ASCC3: variants seen among roughly 807,000 people sequenced by gnomAD.
The protein encoded by ASCC3 is activating signal cointegrator 1 complex subunit 3.
In ASCC3, 158 loss-of-function variants were observed where a neutral mutation model predicts 256.3. The observed-to-expected ratio is 0.62, with a 90% CI of 0.54 to 0.70. The LOEUF is 0.70. Among genes scored for constraint, ASCC3 ranks in the 30% least tolerant of loss-of-function variants. ASCC3 has a pLI of 0.00. For missense variants in ASCC3, 2,259 were observed against 2,626.0 expected (o/e 0.86, Z 3.05); for synonymous variants, 948 against 883.4 (o/e 1.07, Z -1.30).
At chr6:100,781,268 A>G (rs896589945) in intron 8 of ASCC3, among the ~76,000 whole-genome samples, 7 of 152,212 alleles carry the variant, frequency 4.6e-5, no homozygotes, top group African/African-American at 1.7e-4. Flanking sequence ...TTTTTATCAT[A>G]TATTATAAAT....
intron 13 of ASCC3, among the ~76,000 whole-genome samples, chr6:100,702,015 T>C (rs532651738): frequency 2.2e-4 from 33 of 152,122 alleles, no homozygotes; most frequent in Non-Finnish European, 3.7e-4. Flanking sequence ...TGAGAATAAC[T>C]GGGCCCTTAT....
intron 29 of ASCC3, among the ~76,000 whole-genome samples, chr6:100,627,225 T>C (rs1401473902): frequency 6.6e-6 from 1 of 152,170 alleles, no homozygotes; most frequent in Non-Finnish European, 1.5e-5. Flanking sequence ...TACTGAAATT[T>C]CTAAGTTTTA....
At chr6:100,751,613 C>T (rs1444640886) in intron 10 of ASCC3, among the ~76,000 whole-genome samples, 1 of 151,852 alleles carries the variant, frequency 6.6e-6, no homozygotes, top group Admixed American at 6.6e-5. Context: ...GATATAAACA[C>T]CAAAAAGTTT....
Position 100,715,558 on chromosome 6 carries a change from A to T in ASCC3, c.2080-25T>A, listed in dbSNP as rs767314622. On this transcript the variant is annotated intron_variant, in intron 12 of 41. Transcript: ENST00000369162. ...TCTTGAAGATTTTAAAACATAAAAA[A>T]AATCATGTGAAACAATTATAAACTT... is the stretch of plus-strand genomic sequence containing the variant. 1.6e-5 allele frequency: 25 copies of T among 1,572,952 alleles called. No individual in the cohort carries two copies. In the African/African-American group the frequency reaches 3.1e-4, roughly 20 times the overall value.
chr6:100,640,310 T>C (rs1000425726), intron 24 of ASCC3, among the ~76,000 whole-genome samples: 3 of 152,132 alleles, frequency 2.0e-5, no homozygotes, highest in Non-Finnish European at 4.4e-5. Context: ...AGATGAAGGT[T>C]TTTCTTGGCT....
intron 13 of ASCC3, among the ~76,000 whole-genome samples, chr6:100,694,269 T>A (rs1458059408): frequency 6.6e-6 from 1 of 150,846 alleles, no homozygotes; most frequent in African/African-American, 2.4e-5. Context: ...GAGTTTGAGA[T>A]TAGCCTGGGC....
At position 100,800,498 on chromosome 6, in the gene ASCC3, C is replaced by A. The variant is rs998319428; in HGVS notation, c.929G>T (p.Cys310Phe). Residue 310 changes from cysteine to phenylalanine, a missense_variant, in exon 6 of 42, where the codon TGT (cysteine) becomes TTT (phenylalanine). Physicochemically the swap from Cys to Phe is radical, Grantham distance 205. Coordinates refer to ENST00000369162, the MANE Select transcript of ASCC3 (RefSeq NM_006828.4). ...DHRFQALQDN[C>F]KKILGENAKP... ...AGCATTTTCTCCTAAAATTTTTTTA[C>A]AATTGTCTAAGAAGCAAATTTAAGA... The A allele has an allele frequency of 1.2e-6, 2 of 1,605,292 alleles. No individual in the cohort carries two copies. Among genetic ancestry groups the A allele is most frequent in the Non-Finnish European group, 1.7e-6 (2 of 1,174,762 alleles).
intron 36 of ASCC3, among the ~76,000 whole-genome samples, chr6:100,583,809 A>G (rs1771468037): frequency 6.6e-6 from 1 of 152,140 alleles, no homozygotes; most frequent in South Asian, 2.1e-4. Flanking sequence ...TTGGTTTCAA[A>G]GAACATCTTT....
At chr6:100,572,967 C>A (rs1291112744) in intron 36 of ASCC3, among the ~76,000 whole-genome samples, 1 of 151,986 alleles carries the variant, frequency 6.6e-6, no homozygotes, top group African/African-American at 2.4e-5. Context: ...AATAAAAGGT[C>A]TGGCATTTTA....
At chr6:100,623,653 A>T (rs1427920343) in intron 30 of ASCC3, among the ~76,000 whole-genome samples, 1 of 152,190 alleles carries the variant, frequency 6.6e-6, no homozygotes, top group Admixed American at 6.5e-5. Context: ...TGGAGAGATC[A>T]CAATGCAACA....
intron 10 of ASCC3, among the ~76,000 whole-genome samples, chr6:100,739,184 A>G (rs959090392): frequency 3.9e-5 from 6 of 152,236 alleles, no homozygotes; most frequent in Non-Finnish European, 8.8e-5. Context: ...GCTTTTCTGC[A>G]TCTATTGAGA....
chr6:100,684,802 C>CTTTTT (rs34237443), intron 13 of ASCC3, among the ~76,000 whole-genome samples: 5 of 94,714 alleles, frequency 5.3e-5, no homozygotes, highest in South Asian at 3.5e-4. Flanking sequence ...GAATCAAACT[C>CTTTTT]TTTTTTTTTT....
At chr6:100,758,279 T>C (rs1366693216) in intron 10 of ASCC3, among the ~76,000 whole-genome samples, 2 of 152,174 alleles carry the variant, frequency 1.3e-5, no homozygotes, top group Non-Finnish European at 2.9e-5. Context: ...CAGGGATACA[T>C]GTGCAGAGTG....
chr6:100,642,297 A>C (rs1775161990), intron 24 of ASCC3, among the ~76,000 whole-genome samples: 1 of 152,120 alleles, frequency 6.6e-6, no homozygotes, highest in South Asian at 2.1e-4. Flanking sequence ...TTGGTGTAGA[A>C]ACACAAAAGA....
chr6:100,727,118 T>A (rs1182416753), intron 10 of ASCC3, among the ~76,000 whole-genome samples: 2 of 152,248 alleles, frequency 1.3e-5, no homozygotes, highest in South Asian at 4.1e-4. Flanking sequence ...TACACTATTT[T>A]GTTTTCTACA....
intron 37 of ASCC3, among the ~76,000 whole-genome samples, chr6:100,521,734 A>T (rs1774320814): frequency 6.6e-6 from 1 of 152,232 alleles, no homozygotes; most frequent in South Asian, 2.1e-4. Flanking sequence ...TGAGTGGGCA[A>T]GCCCAAGTGA....
chr6:100,523,948 A>G (rs947593912), intron 37 of ASCC3, among the ~76,000 whole-genome samples: 28 of 152,198 alleles, frequency 1.8e-4, no homozygotes, highest in Admixed American at 1.8e-3. Flanking sequence ...TGTGATAAAA[A>G]TATTTGTATA....
At chr6:100,542,479 G>C (rs929951369) in intron 36 of ASCC3, among the ~76,000 whole-genome samples, 1 of 152,076 alleles carries the variant, frequency 6.6e-6, no homozygotes, top group Non-Finnish European at 1.5e-5. Flanking sequence ...TCAAGAGATT[G>C]AGACCATCCT....
intron 8 of ASCC3, among the ~76,000 whole-genome samples, chr6:100,788,082 G>A (rs757295079): frequency 5.2e-4 from 79 of 151,628 alleles, no homozygotes; most frequent in Non-Finnish European, 9.1e-4. Context: ...ATCTGAAAAC[G>A]GACTGTATTC....
Sources: gnomAD v4.1 joint callset for allele counts (sites outside exome capture counted in the v4.1 genomes callset) on GRCh38, gnomAD v4.1.1 for gene constraint, MANE v1.5 for transcripts, NCBI Gene and HGNC (gene_info 2026-07-23, HGNC 2026-07-21) for gene names.